Variants in GALNT17 observed in about 807,000 individuals in gnomAD.
The protein encoded by GALNT17 is UDP-GalNAc:polypeptide N-acetylgalactosaminyltransferase-like 3.
GALNT17 carries 29 observed loss-of-function variants against 63.7 expected under a neutral mutation model. That is an observed-to-expected ratio of 0.46 (90% CI 0.34 to 0.62). The LOEUF (loss-of-function observed/expected upper bound fraction) is 0.62, where lower values mean the gene tolerates loss of function less well. Ranked by LOEUF, GALNT17 falls within the 20% of genes least tolerant of loss-of-function variation. The pLI is 0.01. For synonymous variants in GALNT17, 305 were observed against 318.3 expected, an observed-to-expected ratio of 0.96 and a Z score of 0.45; for missense variants, 603 against 799.6, an observed-to-expected ratio of 0.75 and a Z score of 2.97.
intron 9 of GALNT17, among the ~76,000 whole-genome samples, chr7:71,684,183 C>T (rs1195846493): frequency 6.6e-6 from 1 of 152,118 alleles, no homozygotes; most frequent in Non-Finnish European, 1.5e-5. Context: ...GCTAGAGCAA[C>T]CACAGTGAAA....
intron 6 of GALNT17, among the ~76,000 whole-genome samples, chr7:71,585,298 G>A (rs528641898): frequency 6.6e-6 from 1 of 152,238 alleles, no homozygotes; most frequent in Non-Finnish European, 1.5e-5. Context: ...TCATTATAAA[G>A]CTCCCCATCA....
chr7:71,240,750 C>T (rs1425492274), intron 1 of GALNT17, among the ~76,000 whole-genome samples: 1 of 151,644 alleles, frequency 6.6e-6, no homozygotes, highest in Admixed American at 6.6e-5. Flanking sequence ...CTGCAGGCTC[C>T]GCCCCCCGGG....
chr7:71,138,979 A>G lies in GALNT17; in HGVS notation c.238+5939A>G, dbSNP rs1024110746. Among the ~76,000 whole-genome samples the G allele has an allele frequency of 3.3e-5, 5 of 152,196 alleles. No individual in the cohort carries two copies. The South Asian group carries it at 1.0e-3, about 32-fold the overall frequency. On this transcript the variant is annotated intron_variant, in intron 1 of 10. Coordinates refer to ENST00000333538, the MANE Select transcript of GALNT17 (RefSeq NM_022479.3). ...GACGGAACAAGATTTGGTCTCAAAT[A>G]AATAAATAAAATAAAAAAGAAAGTG...
intron 9 of GALNT17, among the ~76,000 whole-genome samples, chr7:71,704,702 A>G (rs1791698257): frequency 6.6e-6 from 1 of 152,220 alleles, no homozygotes; most frequent in African/African-American, 2.4e-5. Context: ...TTTAGAGTCT[A>G]GAAACAAACC....
At chr7:71,378,528 T>C (rs543273853) in intron 2 of GALNT17, among the ~76,000 whole-genome samples, 1 of 152,304 alleles carries the variant, frequency 6.6e-6, no homozygotes, top group African/African-American at 2.4e-5. Flanking sequence ...GGATGGTATC[T>C]TTTAAGCGTT....
intron 1 of GALNT17, among the ~76,000 whole-genome samples, chr7:71,175,150 TTC>T (rs1562886602): frequency 1.1e-5 from 1 of 91,452 alleles, no homozygotes; most frequent in Non-Finnish European, 1.8e-5. Flanking sequence ...CCATCCATTC[TTC>T]TTTCTTTCTT....
Position 71,491,736 on chromosome 7 carries a change from G to A in GALNT17, c.962+70631G>A, listed in dbSNP as rs547464472. ...AGATTGGTCAGTTTCTGATTCCCTA[G>A]GTCAGGAGCAGGCCTGAGAATCTGC... On this transcript the variant is annotated intron_variant, in intron 5 of 10. Transcript: ENST00000333538. Among the ~76,000 whole-genome samples, 5 of 152,332 alleles carry A rather than the reference G, an allele frequency of 3.3e-5. No individual in the cohort carries two copies. The East Asian group carries it at 9.6e-4, about 29-fold the overall frequency.
At chr7:71,139,962 C>G (rs914474280) in intron 1 of GALNT17, among the ~76,000 whole-genome samples, 1 of 152,140 alleles carries the variant, frequency 6.6e-6, no homozygotes, top group Non-Finnish European at 1.5e-5. Flanking sequence ...CCCCTGCACT[C>G]CAGCCAGGGA....
At chr7:71,458,648 G>A (rs1787396776) in intron 5 of GALNT17, among the ~76,000 whole-genome samples, 1 of 152,186 alleles carries the variant, frequency 6.6e-6, no homozygotes, top group Admixed American at 6.5e-5. Flanking sequence ...GGGTTTTACT[G>A]AGTGTTGGAG....
At chr7:71,338,284 G>C (rs572996981) in intron 2 of GALNT17, among the ~76,000 whole-genome samples, 1 of 151,790 alleles carries the variant, frequency 6.6e-6, no homozygotes, top group South Asian at 2.1e-4. Flanking sequence ...CCAAGATAGT[G>C]CCACTGCACT....
intron 1 of GALNT17, among the ~76,000 whole-genome samples, chr7:71,218,373 T>G (rs62457791): frequency 0.33 from 50,347 of 152,104 alleles, 9,322 homozygotes; most frequent in South Asian, 0.53. Flanking sequence ...AGTTGCTTAT[T>G]CTGGTGCCCA....
chr7:71,390,625 A>G (rs1461092113), intron 3 of GALNT17, among the ~76,000 whole-genome samples: 1 of 151,972 alleles, frequency 6.6e-6, no homozygotes, highest in African/African-American at 2.4e-5. Flanking sequence ...CTTTCTCTGC[A>G]CCTACCACAG....
At chr7:71,553,831 G>A (rs974016896) in intron 5 of GALNT17, among the ~76,000 whole-genome samples, 1 of 152,138 alleles carries the variant, frequency 6.6e-6, no homozygotes, top group African/African-American at 2.4e-5. Context: ...TCAAGATTTT[G>A]ACAGGCTGTT....
At chr7:71,295,782 A>G (rs1228151470) in intron 1 of GALNT17, among the ~76,000 whole-genome samples, 1 of 151,854 alleles carries the variant, frequency 6.6e-6, no homozygotes, top group East Asian at 1.9e-4. Context: ...AAAATTAGAG[A>G]TGGGGTCTCA....
At position 71,635,354 on chromosome 7, in the gene GALNT17, A is replaced by T. The variant is rs367808756; in HGVS notation, c.1081-30057A>T. ...CTTACTAGACTTAAAGTCTGTATTG[A>T]TGTTAATGCTGGAGAGATATCATGA... On this transcript the variant is annotated intron_variant, in intron 6 of 10. Coordinates refer to ENST00000333538, the MANE Select transcript of GALNT17 (RefSeq NM_022479.3). Among the ~76,000 whole-genome samples the T allele has an allele frequency of 3.3e-5, 5 of 152,314 alleles. No homozygotes were observed. In the East Asian group the frequency reaches 9.6e-4, roughly 29 times the overall value.
chr7:71,476,398 C>T (rs886265392), intron 5 of GALNT17, among the ~76,000 whole-genome samples: 2 of 151,446 alleles, frequency 1.3e-5, no homozygotes, highest in African/African-American at 4.9e-5. Context: ...TTTCAGTGAA[C>T]GAATATCCCG....
At chr7:71,587,268 T>G (rs1584071924) in intron 6 of GALNT17, among the ~76,000 whole-genome samples, 2 of 152,122 alleles carry the variant, frequency 1.3e-5, no homozygotes, top group Admixed American at 1.3e-4. Flanking sequence ...CCTCAAGTGA[T>G]CCGCCTGCCT....
chr7:71,439,427 C>G (rs1394168446), intron 5 of GALNT17, among the ~76,000 whole-genome samples: 1 of 152,166 alleles, frequency 6.6e-6, no homozygotes, highest in Non-Finnish European at 1.5e-5. Flanking sequence ...GCTGATATTG[C>G]TGCTAGATAG....
chr7:71,427,893 C>T (rs970465486), intron 5 of GALNT17, among the ~76,000 whole-genome samples: 5 of 152,064 alleles, frequency 3.3e-5, no homozygotes, highest in Non-Finnish European at 2.9e-5. Context: ...ATGTAGGTTA[C>T]GTGTTGCTTA....
Sources: gnomAD v4.1 joint callset for allele counts (sites outside exome capture counted in the v4.1 genomes callset) on GRCh38, gnomAD v4.1.1 for gene constraint, MANE v1.5 for transcripts, NCBI Gene and HGNC (gene_info 2026-07-23, HGNC 2026-07-21) for gene names.